EGF: variants seen among roughly 807,000 people sequenced by gnomAD.
EGF encodes pro-epidermal growth factor.
Under a neutral mutation model 143.8 loss-of-function variants are expected in EGF, and 95 were observed. The ratio of observed to expected loss-of-function variants is 0.66; its 90% CI spans 0.56 to 0.78. The LOEUF (loss-of-function observed/expected upper bound fraction) is 0.78, where lower values mean the gene tolerates loss of function less well. EGF is among the 30% of genes least tolerant of loss of function. The probability of loss-of-function intolerance (pLI) is 0.00; values close to 1 mark genes in which losing one functional copy is unlikely to be tolerated. For synonymous variants in EGF, 510 were observed against 510.5 expected (o/e 1.00, Z 0.01); for missense variants, 1,320 against 1,470.9 (o/e 0.90, Z 1.68).
intron 10 of EGF, among the ~76,000 whole-genome samples, chr4:109,968,489 TG>T (rs1176389940): frequency 6.6e-6 from 1 of 152,108 alleles, no homozygotes; most frequent in Non-Finnish European, 1.5e-5. Flanking sequence ...TCAAGCATGA[TG>T]GCTACGTCAT....
At chr4:109,990,639 C>T (rs1451927656) in intron 18 of EGF, among the ~76,000 whole-genome samples, 1 of 152,104 alleles carries the variant, frequency 6.6e-6, no homozygotes, top group Non-Finnish European at 1.5e-5. Flanking sequence ...AGAAATATAT[C>T]CTCTCATGGT....
rs573179927 is a variant in EGF at position 110,001,665 on chromosome 4, C to A, written c.3173+1819C>A. The A allele has an allele frequency of 1.0e-5, 10 of 985,374 alleles. No homozygotes were observed. The South Asian group carries it at 1.9e-4, about 19-fold the overall frequency. The allele number at this position is 985,374 out of a possible 1,614,324, so 61.0% of individuals were successfully genotyped here. A position where few individuals can be genotyped will look rare whatever the true frequency, so the allele number is the denominator to read the frequency against. ...TTCAGAGATCTGGATTGAAAGCTAA[C>A]GGCAAATTGCTGGCTTTTTAAACTT... On this transcript the variant is annotated intron_variant, in intron 21 of 23. Transcript: ENST00000265171.
rs1578273764 is a variant in EGF, at chr4:109,963,258, G to A, written c.1398G>A (p.Gly466=). The change falls in exon 9 of 24, where the codon GGG becomes GGA. Residue 466 remains glycine, a synonymous_variant. Transcript: ENST00000265171. ...PVSWECDCFP[G]YDLQLDEKSC... ...CCTGGGAATGTGATTGCTTTCCTGGGTATGACCTACAACTGGATGAAAAAA... is the reference window on the plus strand; with the variant it reads ...CCTGGGAATGTGATTGCTTTCCTGGATATGACCTACAACTGGATGAAAAAA... The A allele has an allele frequency of 6.2e-7, 1 of 1,613,802 alleles. No individual in the cohort carries two copies. Among genetic ancestry groups the A allele is most frequent in the African/African-American group, 1.3e-5 (1 of 74,848 alleles).
rs772016292 is a variant in EGF at position 109,983,482 on chromosome 4, T to C, written c.2432T>C (p.Val811Ala). The C allele has an allele frequency of 1.9e-6, 3 of 1,613,806 alleles. No homozygotes were observed. Among genetic ancestry groups the C allele is most frequent in the African/African-American group, 1.3e-5 (1 of 75,022 alleles). ...TPLDILSKTR[V>A]SEDNITESQH... Reference sequence around the variant, plus strand: ...TTGGACATCTTGTCCAAGACTAGAGTGTCAGAAGATAACATTACAGAATCT... The same window carrying C: ...TTGGACATCTTGTCCAAGACTAGAGCGTCAGAAGATAACATTACAGAATCT... The change falls in exon 16 of 24, where the codon GTG becomes GCG. Residue 811 changes from valine (V) to alanine (A), a missense_variant. Val to Ala is a moderately conservative substitution (Grantham distance 64, BLOSUM62 0). This residue lies in a region of EGF where 1,186 missense variants were observed against 1,313.7 expected (regional missense o/e 0.90). Transcript: ENST00000265171.
rs1754050580 is a variant in EGF, at chr4:110,012,163, G to A, written c.*708G>A. 6.6e-6 allele frequency: 1 copy of A among 152,058 alleles called. No individual in the cohort carries two copies. Among genetic ancestry groups the A allele is most frequent in the Non-Finnish European group, 1.5e-5 (1 of 68,008 alleles). 9.4% of individuals were successfully genotyped at this position (152,058 alleles called of 1,614,324 possible). A position where few individuals can be genotyped will look rare whatever the true frequency, so the allele number is the denominator to read the frequency against. On this transcript the variant is annotated 3_prime_UTR_variant, in exon 24 of 24. Transcript: ENST00000265171. Reference sequence around the variant, plus strand: ...TGGTGTGATTGCACAGAATTTGTATGTATTTTCAGTTACAAGATTGTAAGT... The same window carrying A: ...TGGTGTGATTGCACAGAATTTGTATATATTTTCAGTTACAAGATTGTAAGT...
At chr4:109,932,250 C>A (rs1283401424) in intron 1 of EGF, among the ~76,000 whole-genome samples, 3 of 148,768 alleles carry the variant, frequency 2.0e-5, no homozygotes, top group East Asian at 3.9e-4. Context: ...TTTTTGAGTG[C>A]CTATTATGTA....
At chr4:109,945,356 G>T in intron 5 of EGF, 81 bp downstream of exon 5, 1 of 1,432,418 alleles carries the variant, frequency 7.0e-7, no homozygotes, top group Non-Finnish European at 9.7e-7. Flanking sequence ...ATGAGGCGTT[G>T]TAGGGGAAAA....
chr4:109,938,452 G>A (rs552107236), intron 1 of EGF, among the ~76,000 whole-genome samples: 1 of 152,256 alleles, frequency 6.6e-6, no homozygotes, highest in Non-Finnish European at 1.5e-5. Context: ...CTTGCGATGG[G>A]TTAGAACATG....
intron 4 of EGF, among the ~76,000 whole-genome samples, chr4:109,944,394 G>A (rs922096795): frequency 6.6e-6 from 1 of 152,198 alleles, no homozygotes; most frequent in Non-Finnish European, 1.5e-5. Flanking sequence ...AGCCGATATC[G>A]TGCCACTGCA....
chr4:109,991,943 A>C (rs889769621), intron 18 of EGF, among the ~76,000 whole-genome samples: 1 of 152,038 alleles, frequency 6.6e-6, no homozygotes, highest in South Asian at 2.1e-4. Context: ...ACTTGAGGCC[A>C]GGAGTTTGAG....
At chr4:109,920,994 G>A (rs1166897399) in intron 1 of EGF, among the ~76,000 whole-genome samples, 1 of 151,630 alleles carries the variant, frequency 6.6e-6, no homozygotes, top group African/African-American at 2.4e-5. Context: ...TGAGAGTCAG[G>A]TCTGGAAGGA....
chr4:109,989,869 A>G (rs2237052), intron 18 of EGF, among the ~76,000 whole-genome samples: 79,490 of 151,810 alleles, frequency 0.52, 23,648 homozygotes, highest in African/African-American at 0.81. Context: ...GGAGTCCTCA[A>G]ACTCCATGAA....
chr4:109,982,070 G>A (rs11569021), intron 15 of EGF, among the ~76,000 whole-genome samples: 1,989 of 151,298 alleles, frequency 0.013, 43 homozygotes, highest in African/African-American at 0.046. Flanking sequence ...TAGTAGCTGG[G>A]ACCACAGGCA....
At chr4:109,964,687 A>G in intron 10 of EGF, 150 bp downstream of exon 10, 1 of 1,197,882 alleles carries the variant, frequency 8.3e-7, no homozygotes, top group Non-Finnish European at 1.2e-6. Flanking sequence ...TATTGGAGTA[A>G]CACTTGAGAA....
intron 15 of EGF, 88 bp from the exon 16 acceptor site, chr4:109,983,334 C>G: frequency 6.8e-7 from 1 of 1,460,600 alleles, no homozygotes. Context: ...AACTCACAAC[C>G]AATGAATAGT....
chr4:109,959,320 C>A lies in EGF; in HGVS notation c.949C>A (p.Leu317Ile). 1 of 1,613,838 alleles carries A rather than the reference C, an allele frequency of 6.2e-7. No individual in the cohort carries two copies. Among genetic ancestry groups the A allele is most frequent in the African/African-American group, 1.3e-5 (1 of 74,944 alleles). ...AGCATCTTCTCTTTTAGAGCAGAAA[C>A]TTTGCAAATTGAGGAAAGGAAACTG... is the stretch of plus-strand genomic sequence containing the variant. ...EDDTWEPEQK[L>I]CKLRKGNCSS... Residue 317 changes from leucine to isoleucine, a missense_variant, in exon 6 of 24, where the codon CTT becomes ATT. Around this residue, in one of 5 missense-constraint regions of EGF, gnomAD observed 1,186 missense variants for 1,313.7 expected, o/e 0.90. Transcript: ENST00000265171.
intron 5 of EGF, among the ~76,000 whole-genome samples, chr4:109,946,053 G>C (rs1415998216): frequency 6.6e-6 from 1 of 152,160 alleles, no homozygotes; most frequent in Non-Finnish European, 1.5e-5. Context: ...GGATCTTACA[G>C]GGCCATCTTC....
intron 16 of EGF, among the ~76,000 whole-genome samples, chr4:109,987,142 A>G (rs1165775796): frequency 3.9e-5 from 6 of 152,170 alleles, no homozygotes; most frequent in African/African-American, 9.7e-5. Flanking sequence ...ATTTGAGTCT[A>G]TTTGCTTCTA....
intron 6 of EGF, 51 bp from the exon 7 acceptor site, chr4:109,960,816 T>G (rs772911178): frequency 6.2e-7 from 1 of 1,611,178 alleles, no homozygotes; most frequent in Non-Finnish European, 8.5e-7. Context: ...ATAGCACAAT[T>G]TATTTTCAAA....
Sources: allele counts gnomAD v4.1 joint callset (sites outside exome capture counted in the v4.1 genomes callset), GRCh38; gene constraint gnomAD v4.1.1; regional missense constraint gnomAD v4.1.1; transcripts MANE v1.5; gene names NCBI Gene and HGNC (gene_info 2026-07-23, HGNC 2026-07-21).